Variants in FBXL18 observed in about 807,000 individuals in gnomAD.
FBXL18 encodes F-box and leucine rich repeat protein 18.
Under a neutral mutation model 46.0 loss-of-function variants are expected in FBXL18, and 36 were observed. That is an observed-to-expected ratio of 0.78 (90% CI 0.60 to 1.03). The LOEUF (loss-of-function observed/expected upper bound fraction) is 1.03. FBXL18 is among the 50% of genes least tolerant of loss of function. The pLI is 0.00. For synonymous variants in FBXL18, 557 were observed against 465.3 expected, an observed-to-expected ratio of 1.20 and a Z score of -2.54; for missense variants, 977 against 1,004.1, an observed-to-expected ratio of 0.97 and a Z score of 0.36.
chr7:5,505,727 A>G, intron 1 of FBXL18, 97 bp from the exon 2 acceptor site: 1 of 955,450 alleles, frequency 1.0e-6, no homozygotes, highest in Non-Finnish European at 1.6e-6. Context: ...GCCCTTATCC[A>G]TGGGAAAGAA....
intron 1 of FBXL18, 54 bp downstream of exon 1, chr7:5,513,603 G>A (rs931305668): frequency 8.5e-5 from 137 of 1,602,362 alleles, no homozygotes; most frequent in Non-Finnish European, 3.5e-5. Flanking sequence ...GAAGAACCCA[G>A]GGAGACCGAG....
At chr7:5,508,930 C>T (rs1784460055) in intron 1 of FBXL18, among the ~76,000 whole-genome samples, 2 of 152,110 alleles carry the variant, frequency 1.3e-5, no homozygotes, top group South Asian at 2.1e-4. Flanking sequence ...GCTGTGCTCA[C>T]GCCTGTAAAA....
At chr7:5,454,887 C>T (rs1260701963) in intron 4 of FBXL18, among the ~76,000 whole-genome samples, 1 of 152,208 alleles carries the variant, frequency 6.6e-6, no homozygotes, top group Non-Finnish European at 1.5e-5. Flanking sequence ...AGAGAGGACG[C>T]GCTGCTTGGC....
chr7:5,458,888 T>G (rs771079747), intron 4 of FBXL18, among the ~76,000 whole-genome samples: 1 of 151,932 alleles, frequency 6.6e-6, no homozygotes, highest in Non-Finnish European at 1.5e-5. Context: ...GGCTGACAGC[T>G]GTAATCCCAG....
At chr7:5,500,455 C>G in intron 3 of FBXL18, 33 bp downstream of exon 3, 1 of 1,545,486 alleles carries the variant, frequency 6.5e-7, no homozygotes, top group South Asian at 1.2e-5. Flanking sequence ...CAGCTTCCAG[C>G]AGAGGCCCGA....
intron 4 of FBXL18, among the ~76,000 whole-genome samples, chr7:5,467,748 TAAG>T (rs1220474057): frequency 6.6e-6 from 1 of 152,080 alleles, no homozygotes; most frequent in Non-Finnish European, 1.5e-5. Flanking sequence ...GCCGTTTCAC[TAAG>T]GAGAGTCTCT....
chr7:5,490,236 G>T (rs778517999), intron 4 of FBXL18: 1 of 1,318,544 alleles, frequency 7.6e-7, no homozygotes. Context: ...AACACTCAGG[G>T]CGTTCATGTC....
intron 3 of FBXL18, among the ~76,000 whole-genome samples, chr7:5,491,662 C>T (rs956327508): frequency 2.6e-5 from 4 of 152,142 alleles, no homozygotes; most frequent in Non-Finnish European, 2.9e-5. Context: ...GGAGGCGACC[C>T]GGTGGGCCTG....
rs1428896688 is a variant in FBXL18 at position 5,513,754 on chromosome 7, C to A, written c.-80G>T. The A allele has an allele frequency of 1.3e-6, 2 of 1,543,098 alleles. No homozygotes were observed. Among genetic ancestry groups the A allele is most frequent in the Middle Eastern group, 2.0e-4 (1 of 4,934 alleles). On this transcript the variant is annotated 5_prime_UTR_variant, in exon 1 of 5. Transcript: ENST00000382368. ...CTGCCCGGCTAGGGATGCTCGAAGC[C>A]GGCGCGTCCACCGCTCAACCGAGAC...
rs759435810 is a variant in FBXL18, at chr7:5,500,636, G to A, written c.1633C>T (p.Leu545Phe). The A allele has an allele frequency of 1.9e-6, 3 of 1,612,912 alleles. No homozygotes were observed. The South Asian group carries it at 3.3e-5, about 18-fold the overall frequency. Reference sequence around the variant, plus strand: ...ATATTGACCAGCCCGGAGCCCGTAAGGACGCTGGGCAGCTGTGCGAGCGTC... The same window carrying A: ...ATATTGACCAGCCCGGAGCCCGTAAAGACGCTGGGCAGCTGTGCGAGCGTC... ...HLTLAQLPSV[L>F]TGSGLVNIGL... The change falls in exon 3 of 5, where the codon CTT becomes TTT. Residue 545 changes from leucine (L) to phenylalanine (F), a missense_variant. By Grantham distance (22) the Leu-to-Phe change is conservative. Transcript: ENST00000382368.
At chr7:5,458,257 G>T (rs999554999) in intron 4 of FBXL18, among the ~76,000 whole-genome samples, 5 of 152,106 alleles carry the variant, frequency 3.3e-5, no homozygotes, top group African/African-American at 1.2e-4. Flanking sequence ...ACCCCCCAAG[G>T]CCTTGCTCTG....
At chr7:5,483,276 A>G (rs1783693292) in intron 4 of FBXL18, among the ~76,000 whole-genome samples, 1 of 151,624 alleles carries the variant, frequency 6.6e-6, no homozygotes, top group Non-Finnish European at 1.5e-5. Context: ...CCCCGTCTCT[A>G]CTAAAAATAC....
rs1480049054 is a variant in FBXL18 at position 5,480,583 on chromosome 7, AG to A, written c.*1191del. On this transcript the variant is annotated 3_prime_UTR_variant, in exon 5 of 5. Transcript: ENST00000382368. ...TTTTTTTTTTTTTTTTTTTTTTTTG[AG>A]GCGGAGTCTCACCCTGTTGTCCAGG... 1 of 63,414 alleles carries A rather than the reference AG, an allele frequency of 1.6e-5. No homozygotes were observed. The highest frequency in any genetic ancestry group is 6.7e-5 in the African/African-American group (1 of 14,966). 3.9% of individuals were successfully genotyped at this position (63,414 alleles called of 1,614,324 possible).
intron 1 of FBXL18, among the ~76,000 whole-genome samples, chr7:5,508,440 T>TAA (rs11396812): frequency 2.3e-5 from 3 of 132,690 alleles, no homozygotes; most frequent in African/African-American, 8.6e-5. Context: ...AGACTTTGTC[T>TAA]AAAAAAAAAA....
intron 4 of FBXL18, among the ~76,000 whole-genome samples, chr7:5,463,702 A>ATATATATATATATATT (rs1479898344): frequency 2.6e-4 from 18 of 69,026 alleles, no homozygotes; most frequent in Non-Finnish European, 3.0e-4. Context: ...AACTATATAT[A>ATATATATATATATATT]TATTTATTTA....
intron 2 of FBXL18, among the ~76,000 whole-genome samples, chr7:5,503,665 A>G (rs543836926): frequency 1.3e-5 from 2 of 152,038 alleles, no homozygotes; most frequent in Admixed American, 6.6e-5. Context: ...CGGCCAAAAA[A>G]TTAAATTAAA....
At chr7:5,492,633 T>G (rs1036626980) in intron 3 of FBXL18, among the ~76,000 whole-genome samples, 13 of 151,290 alleles carry the variant, frequency 8.6e-5, no homozygotes, top group African/African-American at 3.2e-4. Context: ...TGCAAGGGAG[T>G]TAAGAGGAGG....
At chr7:5,485,895 A>G (rs1324537079) in intron 4 of FBXL18, among the ~76,000 whole-genome samples, 3 of 151,706 alleles carry the variant, frequency 2.0e-5, no homozygotes, top group African/African-American at 7.3e-5. Flanking sequence ...CTCTACTAAA[A>G]AAAACACAAA....
At chr7:5,506,691 G>C (rs1330197662) in intron 1 of FBXL18, among the ~76,000 whole-genome samples, 2 of 152,040 alleles carry the variant, frequency 1.3e-5, no homozygotes, top group South Asian at 2.1e-4. Context: ...TGAGTACCTG[G>C]GATTAAAGGC....
Sources: gnomAD v4.1 joint callset for allele counts (sites outside exome capture counted in the v4.1 genomes callset) on GRCh38, gnomAD v4.1.1 for gene constraint, MANE v1.5 for transcripts, NCBI Gene and HGNC (gene_info 2026-07-23, HGNC 2026-07-21) for gene names.